USP37: variants seen among roughly 807,000 people sequenced by gnomAD.
USP37 encodes the protein ubiquitin specific peptidase 37, also known as ubiquitin carboxyl-terminal hydrolase 37.
Under a neutral mutation model 124.0 loss-of-function variants are expected in USP37, and 27 were observed. The observed-to-expected ratio is 0.22, with a 90% CI of 0.16 to 0.30. The LOEUF is 0.30. USP37 is among the 10% of genes least tolerant of loss of function. The pLI, the probability that USP37 is intolerant of heterozygous loss-of-function variation, is 1.00. For missense variants in USP37, 889 were observed against 1,140.4 expected (o/e 0.78, Z 3.17); for synonymous variants, 365 against 388.0 (o/e 0.94, Z 0.70).
At chr2:218,565,930 T>A (rs1425467021) in intron 1 of USP37, among the ~76,000 whole-genome samples, 1 of 152,112 alleles carries the variant, frequency 6.6e-6, no homozygotes, top group Admixed American at 6.5e-5. Context: ...GTGCCTGTAA[T>A]CCCAGGTACT....
chr2:218,483,008 C>A (rs1029139610), intron 16 of USP37, among the ~76,000 whole-genome samples: 1 of 152,060 alleles, frequency 6.6e-6, no homozygotes, highest in Non-Finnish European at 1.5e-5. Flanking sequence ...CAAAAATGAT[C>A]TATAAAAAAC....
At chr2:218,561,045 C>G (rs1276777352) in intron 2 of USP37, among the ~76,000 whole-genome samples, 162 bp from the exon 3 acceptor site, 1 of 152,118 alleles carries the variant, frequency 6.6e-6, no homozygotes, top group Non-Finnish European at 1.5e-5. Flanking sequence ...ATGAATTCGT[C>G]AAAGTAATAG....
At chr2:218,488,515 G>A in intron 14 of USP37, 94 bp from the exon 15 acceptor site, 1 of 744,424 alleles carries the variant, frequency 1.3e-6, no homozygotes. Flanking sequence ...AGAACTTATG[G>A]TACTGACACA....
chr2:218,531,915 T>C (rs895919553), intron 9 of USP37, among the ~76,000 whole-genome samples: 1 of 152,222 alleles, frequency 6.6e-6, no homozygotes, highest in Non-Finnish European at 1.5e-5. Context: ...TGGAGTTGCT[T>C]CCTACGGATG....
chr2:218,455,936 C>T (rs1314817860), intron 24 of USP37, among the ~76,000 whole-genome samples: 2 of 152,074 alleles, frequency 1.3e-5, no homozygotes, highest in Non-Finnish European at 2.9e-5. Flanking sequence ...GTCCCAGCTA[C>T]TCAGGAGGCT....
intron 19 of USP37, among the ~76,000 whole-genome samples, chr2:218,475,765 A>C (rs1300426859): frequency 1.3e-5 from 2 of 151,850 alleles, no homozygotes; most frequent in African/African-American, 4.8e-5. Flanking sequence ...ATAAAAAACC[A>C]AAACCCAAAA....
intron 10 of USP37, among the ~76,000 whole-genome samples, chr2:218,517,930 A>T (rs80105044): frequency 0.013 from 1,921 of 152,150 alleles, 40 homozygotes; most frequent in African/African-American, 0.044. Context: ...CATCGTTCAG[A>T]TCACTAATTC....
At chr2:218,559,860 G>C (rs2106060610) in intron 3 of USP37, among the ~76,000 whole-genome samples, 1 of 152,206 alleles carries the variant, frequency 6.6e-6, no homozygotes, top group Middle Eastern at 3.4e-3. Context: ...TGCTCCTGTA[G>C]CTCCAACTAC....
At chr2:218,468,997 T>C (rs983406298) in intron 20 of USP37, among the ~76,000 whole-genome samples, 8 of 152,206 alleles carry the variant, frequency 5.3e-5, no homozygotes, top group African/African-American at 1.9e-4. Flanking sequence ...GCCCGGCTCC[T>C]AATACTGTAT....
chr2:218,479,159 G>C (rs1691120577), intron 18 of USP37, among the ~76,000 whole-genome samples: 1 of 152,130 alleles, frequency 6.6e-6, no homozygotes, highest in African/African-American at 2.4e-5. Flanking sequence ...CAAAAAAATA[G>C]GGCATTTGTA....
intron 23 of USP37, 77 bp from the exon 24 acceptor site, chr2:218,457,238 A>C (rs893618054): frequency 2.7e-5 from 38 of 1,388,590 alleles, no homozygotes; most frequent in Non-Finnish European, 3.8e-5. Flanking sequence ...ATTTATTATC[A>C]AAGCTGACAT....
chr2:218,502,735 A>T (rs1273872164), intron 11 of USP37, among the ~76,000 whole-genome samples: 1 of 152,192 alleles, frequency 6.6e-6, no homozygotes, highest in African/African-American at 2.4e-5. Context: ...GAAGAATTAG[A>T]CTGGCATCTT....
At chr2:218,460,229 G>C (rs1388567098) in intron 22 of USP37, among the ~76,000 whole-genome samples, 1 of 151,194 alleles carries the variant, frequency 6.6e-6, no homozygotes, top group Non-Finnish European at 1.5e-5. Context: ...TTGTACTCCA[G>C]CCTGGGCAAC....
chr2:218,532,903 A>G (rs1211971147), intron 9 of USP37, among the ~76,000 whole-genome samples: 57 of 151,640 alleles, frequency 3.8e-4, no homozygotes, highest in Non-Finnish European at 5.9e-5. Context: ...AACTCCAGCC[A>G]GGGCGACAGA....
At chr2:218,458,602 A>T (rs1351404782) in intron 23 of USP37, among the ~76,000 whole-genome samples, 1 of 152,106 alleles carries the variant, frequency 6.6e-6, no homozygotes, top group East Asian at 1.9e-4. Flanking sequence ...AAATAAAATA[A>T]AATAAGGAAA....
At chr2:218,556,503 GTTTTTTTTTTT>G (rs34907421) in intron 4 of USP37, among the ~76,000 whole-genome samples, 9 of 53,826 alleles carry the variant, frequency 1.7e-4, no homozygotes, top group South Asian at 9.6e-4. Flanking sequence ...GGGTTTTTCT[GTTTTTTTTTTT>G]TTTTTTTTTT....
intron 23 of USP37, 142 bp downstream of exon 23, chr2:218,459,648 A>C (rs959989600): frequency 1.2e-5 from 7 of 584,274 alleles, no homozygotes; most frequent in African/African-American, 1.1e-4. Flanking sequence ...AGCAAATGAC[A>C]AGAGAAAATG....
chr2:218,465,344 A>G (rs1168239251), intron 21 of USP37, among the ~76,000 whole-genome samples: 1 of 150,994 alleles, frequency 6.6e-6, no homozygotes, highest in African/African-American at 2.4e-5. Flanking sequence ...TAGGAGGCCA[A>G]AAGGGGAGGA....
At chr2:218,551,676 C>T (rs1195081156) in intron 5 of USP37, among the ~76,000 whole-genome samples, 3 of 152,154 alleles carry the variant, frequency 2.0e-5, no homozygotes, top group African/African-American at 4.8e-5. Flanking sequence ...TTTTCTTACA[C>T]GTATCAATTG....
Sources: allele counts gnomAD v4.1 joint callset (sites outside exome capture counted in the v4.1 genomes callset), GRCh38; gene constraint gnomAD v4.1.1; transcripts MANE v1.5; gene names NCBI Gene and HGNC (gene_info 2026-07-23, HGNC 2026-07-21).